The following UGT2B7 variants were observed in gnomAD, a reference collection of about 807,000 sequenced individuals.
The protein encoded by UGT2B7 is UDP glucuronosyltransferase family 2 member B7.
UGT2B7 carries 51 observed loss-of-function variants against 51.9 expected under a neutral mutation model. The observed-to-expected ratio is 0.98, with a 90% confidence interval of 0.78 to 1.24. The LOEUF (loss-of-function observed/expected upper bound fraction) is 1.24, where lower values mean the gene tolerates loss of function less well. UGT2B7 is among the 50% of genes most tolerant of loss of function. The pLI is 0.00. For missense variants in UGT2B7, 727 were observed against 628.4 expected, an observed-to-expected ratio of 1.16 and a Z score of -1.68; for synonymous variants, 225 against 211.6, an observed-to-expected ratio of 1.06 and a Z score of -0.55.
chr4:69,054,839 G>A (rs1350198976), intron 1 of UGT2B7, among the ~76,000 whole-genome samples: 1 of 152,004 alleles, frequency 6.6e-6, no homozygotes, highest in Non-Finnish European at 1.5e-5. Context: ...AAGGACTTCA[G>A]CTGAACTTCC....
Position 69,054,003 on chromosome 4 carries a change from GC to G in UGT2B7, c.-159+2402del, listed in dbSNP as rs375477191. ...TCTATTTAGATGCAATTAGAGCCCC[GC>G]AAGGAATACCAGATCAATTTAAAGC... On this transcript the variant is annotated intron_variant, in intron 1 of 5. Transcript: ENST00000502942. Among the ~76,000 whole-genome samples the G allele has an allele frequency of 1.5e-4, 23 of 152,218 alleles. No homozygotes were observed. The East Asian group carries it at 4.4e-3, about 29-fold the overall frequency.
At chr4:69,051,817 T>G (rs1560495390) in intron 1 of UGT2B7, among the ~76,000 whole-genome samples, 1 of 152,242 alleles carries the variant, frequency 6.6e-6, no homozygotes, top group Non-Finnish European at 1.5e-5. Context: ...TGGTTTTGAC[T>G]TGACTTGAAT....
chr4:69,084,469 C>T (rs1027945037), intron 1 of UGT2B7, among the ~76,000 whole-genome samples: 3 of 151,988 alleles, frequency 2.0e-5, no homozygotes, highest in African/African-American at 7.2e-5. Flanking sequence ...TTTAATTATA[C>T]TTTAAGTTCT....
Position 69,096,743 on chromosome 4 carries a change from G to A in UGT2B7, c.223G>A (p.Glu75Lys). The A allele has an allele frequency of 6.2e-7, 1 of 1,613,946 alleles. No individual in the cohort carries two copies. The highest frequency in any genetic ancestry group is 8.5e-7 in the Non-Finnish European group (1 of 1,179,920). ...DPNNSSALKI[E>K]IYPTSLTKTE... ...CAACAACTCATCCGCTCTTAAAATT[G>A]AAATTTATCCCACATCTTTAACTAA... The change falls in exon 1 of 6, where the codon GAA becomes AAA. Residue 75 changes from glutamate to lysine, a missense_variant. Coordinates refer to ENST00000305231, the MANE Select transcript of UGT2B7 (RefSeq NM_001074.4).
chr4:69,094,492 C>T (rs62296944), upstream of UGT2B7, among the ~76,000 whole-genome samples: 87,111 of 151,196 alleles, frequency 0.58, 26,127 homozygotes, highest in African/African-American at 0.71. Context: ...AATGCTATAG[C>T]ATATTAAGTC....
chr4:69,089,774 T>C (rs1719044769), intron 2 of UGT2B7, among the ~76,000 whole-genome samples: 1 of 152,226 alleles, frequency 6.6e-6, no homozygotes, highest in Non-Finnish European at 1.5e-5. Flanking sequence ...ATCATTTGCC[T>C]ATGAATGCTT....
chr4:69,063,309 A>T lies in UGT2B7; in HGVS notation c.-159+11707A>T, dbSNP rs1408188087. Reference sequence around the variant, plus strand: ...ACTCCAGCCTGGGCGACAGAGCGAGACTCCGTCTCAAAAAAAAAAAAAAAA... The same window carrying T: ...ACTCCAGCCTGGGCGACAGAGCGAGTCTCCGTCTCAAAAAAAAAAAAAAAA... On this transcript the variant is annotated intron_variant, in intron 1 of 5. Transcript: ENST00000502942. Among the ~76,000 whole-genome samples the T allele has an allele frequency of 3.0e-4, 32 of 106,788 alleles. No individual in the cohort carries two copies. The Admixed American group carries it at 3.1e-3, about 10-fold the overall frequency. 70.1% of individuals were successfully genotyped at this position (106,788 alleles called of 152,430 possible). A position where few individuals can be genotyped will look rare whatever the true frequency, so the allele number is the denominator to read the frequency against.
chr4:69,109,700 T>C (rs2109895268), intron 5 of UGT2B7, among the ~76,000 whole-genome samples: 1 of 151,622 alleles, frequency 6.6e-6, no homozygotes, highest in East Asian at 1.9e-4. Context: ...ATGTTGGTCT[T>C]TGAAGCACAA....
intron 1 of UGT2B7, among the ~76,000 whole-genome samples, chr4:69,055,242 A>C (rs975784864): frequency 4.6e-5 from 7 of 151,568 alleles, no homozygotes; most frequent in African/African-American, 1.7e-4. Flanking sequence ...CAGTAAAAAA[A>C]TAAGTATATC....
At chr4:69,080,679 T>C (rs1718816536) in intron 1 of UGT2B7, among the ~76,000 whole-genome samples, 1 of 152,194 alleles carries the variant, frequency 6.6e-6, no homozygotes, top group African/African-American at 2.4e-5. Context: ...TAAGCACCTA[T>C]TGAAAAGTCT....
At chr4:69,055,566 C>A (rs138075742) in intron 1 of UGT2B7, among the ~76,000 whole-genome samples, 21,667 of 152,168 alleles carry the variant, frequency 0.14, 1,820 homozygotes, top group Admixed American at 0.25. Context: ...CTATGATGAA[C>A]TAAATGTGCC....
chr4:69,057,253 A>T (rs1577905221), intron 1 of UGT2B7, among the ~76,000 whole-genome samples: 3 of 152,336 alleles, frequency 2.0e-5, no homozygotes, highest in Admixed American at 2.0e-4. Flanking sequence ...TTAAGGCAGT[A>T]GCTTGCTGAT....
intron 1 of UGT2B7, among the ~76,000 whole-genome samples, chr4:69,087,517 G>C (rs1434645566): frequency 2.6e-5 from 4 of 151,772 alleles, no homozygotes; most frequent in Non-Finnish European, 4.4e-5. Context: ...TTTATAATTG[G>C]TTTTACTACT....
At chr4:69,100,738 A>G (rs140436118) in intron 2 of UGT2B7, among the ~76,000 whole-genome samples, 1 of 152,230 alleles carries the variant, frequency 6.6e-6, no homozygotes, top group East Asian at 1.9e-4. Flanking sequence ...AGCTGTTGTT[A>G]TTAACTTGCA....
chr4:69,059,466 T>A (rs1718294542), intron 1 of UGT2B7, among the ~76,000 whole-genome samples: 1 of 152,214 alleles, frequency 6.6e-6, no homozygotes, highest in East Asian at 1.9e-4. Flanking sequence ...ACCCGGAGGC[T>A]ATGATGTTAA....
intron 1 of UGT2B7, among the ~76,000 whole-genome samples, chr4:69,062,832 C>T (rs1718378728): frequency 1.3e-5 from 2 of 152,232 alleles, no homozygotes; most frequent in Middle Eastern, 3.4e-3. Flanking sequence ...ATAAATGTGG[C>T]CAGAAATCTT....
intron 5 of UGT2B7, among the ~76,000 whole-genome samples, chr4:69,110,245 G>T (rs530673360): frequency 2.0e-5 from 3 of 152,006 alleles, no homozygotes; most frequent in Non-Finnish European, 4.4e-5. Flanking sequence ...GATATGTGGT[G>T]GGCAATAAAT....
upstream of UGT2B7, among the ~76,000 whole-genome samples, chr4:69,092,657 T>G (rs1377114391): frequency 6.6e-6 from 1 of 152,110 alleles, no homozygotes; most frequent in Non-Finnish European, 1.5e-5. Flanking sequence ...GTATCCAGGA[T>G]TATGACTTTC....
At position 69,064,100 on chromosome 4, in the gene UGT2B7, A is replaced by AGAGAG. The variant is rs1560499772; in HGVS notation, c.-159+12498_-159+12499insGAGAG. Among the ~76,000 whole-genome samples, 285 of 104,694 alleles carry AGAGAG rather than the reference A, an allele frequency of 2.7e-3. 7 individuals carry two copies. The highest frequency in any genetic ancestry group is 0.011 in the Middle Eastern group (2 of 190). The allele number at this position is 104,694 out of a possible 152,430, so 68.7% of individuals were successfully genotyped here. A position where few individuals can be genotyped will look rare whatever the true frequency, so the allele number is the denominator to read the frequency against. On this transcript the variant is annotated intron_variant, in intron 1 of 5. Transcript: ENST00000502942. The stretch of plus-strand genomic sequence containing the variant: ...AGAAAGAAAGAAAGAAAGAAAGAGA[A>AGAGAG]AGAAAGAAAGAAAAAGAAAGAAAGA...
Sources: gnomAD v4.1 joint callset for allele counts (sites outside exome capture counted in the v4.1 genomes callset) on GRCh38, gnomAD v4.1.1 for gene constraint, MANE v1.5 for transcripts, NCBI Gene and HGNC (gene_info 2026-07-23, HGNC 2026-07-21) for gene names.